The following SLC28A1 variants were observed in gnomAD, a reference collection of about 807,000 sequenced individuals.
The protein encoded by SLC28A1 is solute carrier family 28 member 1.
In SLC28A1, 64 loss-of-function variants were observed where a neutral mutation model predicts 74.8. The observed-to-expected ratio is 0.86, with a 90% CI of 0.70 to 1.05. The LOEUF is 1.05. SLC28A1 is among the 50% of genes least tolerant of loss of function. The pLI, the probability that SLC28A1 is intolerant of heterozygous loss-of-function variation, is 0.00. For synonymous variants in SLC28A1, 359 were observed against 335.0 expected (o/e 1.07, Z -0.78); for missense variants, 828 against 822.8 (o/e 1.01, Z -0.08).
Position 84,944,634 on chromosome 15 carries a change from T to C in SLC28A1, c.1732T>C (p.Cys578Arg), listed in dbSNP as rs1182218766. Residue 578 changes from cysteine (C) to arginine (R), a missense_variant, in exon 17 of 19, where the codon TGT becomes CGT. Physicochemically the swap from Cys to Arg is radical, Grantham distance 180. Transcript: ENST00000394573. ...IVLRALFTGACVSLVNACMAG... is the reference protein window; with the variant it reads ...IVLRALFTGARVSLVNACMAG... ...GCTCCGGGCGCTCTTCACGGGAGCC[T>C]GTGTGTCCCTGGTGAACGCCTGTAT... The C allele has an allele frequency of 1.2e-6, 2 of 1,613,748 alleles. No individual in the cohort carries two copies. Among genetic ancestry groups the C allele is most frequent in the African/African-American group, 2.7e-5 (2 of 74,922 alleles).
chr15:84,928,538 CTTT>C (rs1567171898), intron 12 of SLC28A1, among the ~76,000 whole-genome samples: 3 of 13,848 alleles, frequency 2.2e-4, no homozygotes, highest in Admixed American at 6.2e-4. Context: ...TTCTTTCTTT[CTTT>C]CTTTCTTTCT....
chr15:84,905,631 G>A lies in SLC28A1; in HGVS notation c.696G>A (p.Glu232=). The change falls in exon 8 of 19, where the codon GAG becomes GAA. Residue 232 remains glutamate (E), a synonymous_variant. Coordinates refer to ENST00000394573, the MANE Select transcript of SLC28A1 (RefSeq NM_004213.5). ...IRTEPGFIAF[E]WLGEQIRIFL... ...CAGAACCAGGATTCATTGCGTTCGA[G>A]TGGCTGGGCGAGCAGATCCGGGTAG... 6.2e-7 allele frequency: 1 copy of A among 1,613,816 alleles called. No individual in the cohort carries two copies. The highest frequency in any genetic ancestry group is 8.5e-7 in the Non-Finnish European group (1 of 1,179,710).
chr15:84,972,216 T>G, the SLC28A1 span, among the ~76,000 whole-genome samples: 1 of 152,070 alleles, frequency 6.6e-6, no homozygotes, highest in African/African-American at 2.4e-5. Context: ...CAGACCCAAT[T>G]AAAAACCAAT....
intron 15 of SLC28A1, 134 bp from the exon 16 acceptor site, chr15:84,943,311 G>A (rs1336739461): frequency 3.1e-5 from 22 of 701,960 alleles, no homozygotes; most frequent in East Asian, 5.4e-5. Flanking sequence ...CTGGGGAAGC[G>A]GCAGCACAGA....
At chr15:84,909,024 A>G (rs1028701360) in intron 9 of SLC28A1, among the ~76,000 whole-genome samples, 6 of 72,552 alleles carry the variant, frequency 8.3e-5, no homozygotes, top group African/African-American at 1.7e-4. Context: ...CAAAAGTAAG[A>G]TATTTCTGTA....
At chr15:84,966,826 C>A in the SLC28A1 span, among the ~76,000 whole-genome samples, 1 of 152,214 alleles carries the variant, frequency 6.6e-6, no homozygotes, top group Non-Finnish European at 1.5e-5. Context: ...CCTCCCACAA[C>A]GTGTGGGAAT....
chr15:84,904,211 CT>C lies in SLC28A1; in HGVS notation c.579del (p.Phe193LeufsTer50). On this transcript the variant is annotated frameshift_variant, in exon 7 of 19. Transcript: ENST00000394573. LOFTEE classifies it high-confidence loss of function. ...AGICVFVALL[F>X]ACSKHHCAVS... ...GAATCTGCGTGTTCGTCGCTCTCCTCTTTGCCTGCTCAAAGCATCATTGCGC... is the reference window on the plus strand; with the variant it reads ...GAATCTGCGTGTTCGTCGCTCTCCTCTTGCCTGCTCAAAGCATCATTGCGC... 2 of 1,614,122 alleles carry C rather than the reference CT, an allele frequency of 1.2e-6. No individual in the cohort carries two copies. The highest frequency in any genetic ancestry group is 1.7e-6 in the Non-Finnish European group (2 of 1,180,036).
chr15:84,897,983 G>T (rs1027290763), intron 6 of SLC28A1, among the ~76,000 whole-genome samples: 1 of 152,082 alleles, frequency 6.6e-6, no homozygotes, highest in African/African-American at 2.4e-5. Context: ...TTTTATGGCT[G>T]AATAATATTC....
Position 84,908,947 on chromosome 15 carries a change from T to C in SLC28A1, c.795+152T>C, listed in dbSNP as rs1967727459. The C allele has an allele frequency of 2.3e-5, 16 of 704,254 alleles. No homozygotes were observed. The East Asian group carries it at 3.9e-4, about 17-fold the overall frequency. The allele number at this position is 704,254 out of a possible 1,614,324, so 43.6% of individuals were successfully genotyped here. On this transcript the variant is annotated intron_variant, in intron 9 of 18. Coordinates refer to ENST00000394573, the MANE Select transcript of SLC28A1 (RefSeq NM_004213.5). ...CTGGGAAGTTAGTGAACCTTAAGCC[T>C]GGGGCCCGGGAGGAGCCCAGCAATG...
chr15:84,962,227 A>G, the SLC28A1 span, among the ~76,000 whole-genome samples: 2 of 152,088 alleles, frequency 1.3e-5, no homozygotes, highest in South Asian at 4.2e-4. Context: ...AGTGCTCACC[A>G]CCATGCCCGG....
At chr15:84,937,448 C>CT (rs1567184441) in intron 15 of SLC28A1, among the ~76,000 whole-genome samples, 1 of 152,176 alleles carries the variant, frequency 6.6e-6, no homozygotes, top group African/African-American at 2.4e-5. Context: ...CGGGTAGCTT[C>CT]TTTTTAAAAA....
intron 6 of SLC28A1, among the ~76,000 whole-genome samples, chr15:84,903,021 C>T (rs1966832928): frequency 6.6e-6 from 1 of 152,170 alleles, no homozygotes; most frequent in African/African-American, 2.4e-5. Context: ...TGAGCCACTG[C>T]GCCCAGCCAC....
the SLC28A1 span, among the ~76,000 whole-genome samples, chr15:84,966,259 G>A: frequency 2.6e-5 from 4 of 151,752 alleles, no homozygotes; most frequent in East Asian, 3.9e-4. Flanking sequence ...TGTATTTTTA[G>A]TTTCACCATG....
chr15:84,910,889 G>A (rs747140500), intron 9 of SLC28A1, among the ~76,000 whole-genome samples: 5 of 152,194 alleles, frequency 3.3e-5, no homozygotes, highest in Non-Finnish European at 7.3e-5. Context: ...TCCTTGAGGA[G>A]GCAGCATTTG....
At chr15:84,906,564 CTCTTTCTTT>C (rs1567140516) in intron 8 of SLC28A1, among the ~76,000 whole-genome samples, 12 of 75,028 alleles carry the variant, frequency 1.6e-4, no homozygotes, top group South Asian at 9.1e-4. Flanking sequence ...TTCTTTCTTT[CTCTTTCTTT>C]CTTCCTTCCT....
At chr15:84,900,436 A>G (rs1347567505) in intron 6 of SLC28A1, among the ~76,000 whole-genome samples, 1 of 144,786 alleles carries the variant, frequency 6.9e-6, no homozygotes, top group African/African-American at 2.5e-5. Context: ...AAGAAGAAGA[A>G]AGAAAGAAAT....
intron 4 of SLC28A1, among the ~76,000 whole-genome samples, chr15:84,889,246 C>A (rs1421371691): frequency 6.6e-6 from 1 of 152,188 alleles, no homozygotes; most frequent in Non-Finnish European, 1.5e-5. Flanking sequence ...TGATTTTACA[C>A]AGGGAGGTAG....
At chr15:84,961,484 G>A in the SLC28A1 span, 21 of 453,338 alleles carry the variant, frequency 4.6e-5, no homozygotes, top group East Asian at 1.4e-4. Flanking sequence ...TGTATGTGCC[G>A]TCACACCTGG....
the SLC28A1 span, among the ~76,000 whole-genome samples, chr15:84,961,981 C>G: frequency 2.0e-5 from 3 of 152,158 alleles, no homozygotes; most frequent in African/African-American, 7.2e-5. Context: ...GTTTCCTTGC[C>G]TTGGGTATTT....
Sources: allele counts gnomAD v4.1 joint callset (sites outside exome capture counted in the v4.1 genomes callset), GRCh38; gene constraint gnomAD v4.1.1; transcripts MANE v1.5; gene names NCBI Gene and HGNC (gene_info 2026-07-23, HGNC 2026-07-21).